Variants in OPCML observed in about 807,000 individuals in gnomAD.
OPCML encodes the protein opioid binding protein/cell adhesion molecule like.
In OPCML, 13 loss-of-function variants were observed where a neutral mutation model predicts 37.8. The ratio of observed to expected loss-of-function variants is 0.34; its 90% CI spans 0.22 to 0.55. The LOEUF (loss-of-function observed/expected upper bound fraction) is 0.55, where lower values mean the gene tolerates loss of function less well. Ranked by LOEUF, OPCML falls within the 20% of genes least tolerant of loss-of-function variation. The pLI is 0.91. For missense variants in OPCML, 341 were observed against 435.6 expected, an observed-to-expected ratio of 0.78 and a Z score of 1.93; for synonymous variants, 176 against 168.8, an observed-to-expected ratio of 1.04 and a Z score of -0.33.
At chr11:133,421,099 A>T in intron 1 of OPCML, 1 of 985,436 alleles carries the variant, frequency 1.0e-6, no homozygotes, top group Non-Finnish European at 1.2e-6. Flanking sequence ...TGCGGTCAGC[A>T]GGGCAGTGTT....
intron 1 of OPCML, among the ~76,000 whole-genome samples, chr11:133,275,511 C>T (rs2136492788): frequency 6.6e-6 from 1 of 152,272 alleles, no homozygotes; most frequent in East Asian, 1.9e-4. Context: ...GGGACTTCAT[C>T]ATGGGCCAGC....
chr11:132,982,537 G>T (rs1445323569), intron 1 of OPCML, among the ~76,000 whole-genome samples: 2 of 150,760 alleles, frequency 1.3e-5, no homozygotes, highest in Admixed American at 6.6e-5. Context: ...AAAAGTTGTA[G>T]CTACACTAGC....
chr11:132,903,117 G>A (rs1944120291), intron 2 of OPCML, among the ~76,000 whole-genome samples: 1 of 151,990 alleles, frequency 6.6e-6, no homozygotes, highest in African/African-American at 2.4e-5. Flanking sequence ...GCCCTTCTTT[G>A]AGTCTCATAT....
chr11:133,096,730 T>C (rs982537671), intron 1 of OPCML, among the ~76,000 whole-genome samples: 4 of 152,196 alleles, frequency 2.6e-5, no homozygotes, highest in African/African-American at 2.4e-5. Flanking sequence ...GGAGCAGATA[T>C]ATTAATTTCA....
At chr11:132,823,667 TTC>T (rs1940125129) in intron 2 of OPCML, among the ~76,000 whole-genome samples, 1 of 152,154 alleles carries the variant, frequency 6.6e-6, no homozygotes, top group Admixed American at 6.5e-5. Context: ...ATATTTTTTG[TTC>T]TGTTTCACAG....
At chr11:132,556,337 G>T (rs1164786282) in intron 3 of OPCML, among the ~76,000 whole-genome samples, 3 of 152,108 alleles carry the variant, frequency 2.0e-5, no homozygotes, top group Non-Finnish European at 2.9e-5. Flanking sequence ...TATCTTACTT[G>T]ATTTTTTTCT....
At chr11:132,480,990 T>C (rs933239240) in intron 4 of OPCML, among the ~76,000 whole-genome samples, 8 of 152,032 alleles carry the variant, frequency 5.3e-5, no homozygotes, top group Admixed American at 2.0e-4. Context: ...GCTAACATCA[T>C]AACGACAGGA....
chr11:133,081,621 A>T (rs890069884), intron 1 of OPCML, among the ~76,000 whole-genome samples: 1 of 152,172 alleles, frequency 6.6e-6, no homozygotes, highest in Non-Finnish European at 1.5e-5. Context: ...CTCCCTTTGG[A>T]TAAGCCCAAT....
intron 1 of OPCML, among the ~76,000 whole-genome samples, chr11:133,342,263 TG>T (rs1233855608): frequency 6.6e-6 from 1 of 152,150 alleles, no homozygotes; most frequent in Non-Finnish European, 1.5e-5. Flanking sequence ...GCTGTGCTTT[TG>T]ACGTAAAGCA....
At chr11:132,478,205 G>A (rs558645119) in intron 4 of OPCML, among the ~76,000 whole-genome samples, 1 of 152,248 alleles carries the variant, frequency 6.6e-6, no homozygotes, top group Admixed American at 6.5e-5. Flanking sequence ...AATACCAATT[G>A]TTCTAAGTTT....
intron 1 of OPCML, among the ~76,000 whole-genome samples, chr11:133,261,850 T>C (rs1941505065): frequency 6.6e-6 from 1 of 152,170 alleles, no homozygotes; most frequent in Non-Finnish European, 1.5e-5. Flanking sequence ...TCTAGTGGAA[T>C]GCAGCGGGCA....
intron 2 of OPCML, among the ~76,000 whole-genome samples, chr11:132,819,082 C>T (rs1939818345): frequency 6.7e-6 from 1 of 149,422 alleles, no homozygotes; most frequent in South Asian, 2.1e-4. Context: ...GATTATCAGT[C>T]ATATTTCCTT....
chr11:132,724,566 C>G (rs1437569302), intron 2 of OPCML, among the ~76,000 whole-genome samples: 2 of 152,120 alleles, frequency 1.3e-5, no homozygotes, highest in African/African-American at 4.8e-5. Flanking sequence ...CCGCACCCCA[C>G]AAATCTCATG....
intron 1 of OPCML, among the ~76,000 whole-genome samples, chr11:133,222,696 T>C (rs1939888444): frequency 6.6e-6 from 1 of 152,166 alleles, no homozygotes; most frequent in Non-Finnish European, 1.5e-5. Context: ...TCATCTATTA[T>C]TCAGCATAAT....
At chr11:132,963,496 G>T (rs1946139444) in intron 1 of OPCML, among the ~76,000 whole-genome samples, 1 of 151,648 alleles carries the variant, frequency 6.6e-6, no homozygotes, top group South Asian at 2.1e-4. Flanking sequence ...GGAGGCTGAG[G>T]CAGGAGAATC....
chr11:133,099,750 T>C (rs1413535857), intron 1 of OPCML, among the ~76,000 whole-genome samples: 3 of 152,166 alleles, frequency 2.0e-5, no homozygotes, highest in Non-Finnish European at 4.4e-5. Context: ...CCTTTGCCCA[T>C]TTTTAATGGG....
intron 1 of OPCML, chr11:133,025,495 GCT>G (rs1280560772): frequency 6.1e-6 from 6 of 984,724 alleles, no homozygotes; most frequent in Non-Finnish European, 7.2e-6. Context: ...TAGTCAGTCG[GCT>G]CTCTCAGGAA....
At chr11:132,740,563 T>C (rs909038053) in intron 2 of OPCML, among the ~76,000 whole-genome samples, 2 of 152,180 alleles carry the variant, frequency 1.3e-5, no homozygotes, top group Non-Finnish European at 2.9e-5. Flanking sequence ...CCTCTCAGTA[T>C]AATTTATTAT....
At chr11:133,182,370 A>C (rs1028675051) in intron 1 of OPCML, among the ~76,000 whole-genome samples, 2 of 152,252 alleles carry the variant, frequency 1.3e-5, no homozygotes, top group African/African-American at 4.8e-5. Flanking sequence ...GCAGCAATGC[A>C]ATTTCTGTGT....
Sources: gnomAD v4.1 joint callset for allele counts (sites outside exome capture counted in the v4.1 genomes callset) on GRCh38, gnomAD v4.1.1 for gene constraint, MANE v1.5 for transcripts, NCBI Gene and HGNC (gene_info 2026-07-23, HGNC 2026-07-21) for gene names.